Variants in ZNF718 observed in about 807,000 individuals in gnomAD.
ZNF718 encodes the protein zinc finger protein 718.
In ZNF718, 3 loss-of-function variants were observed where a neutral mutation model predicts 2.6. The ratio of observed to expected loss-of-function variants is 1.16; its 90% confidence interval spans 0.53 to 3.01. The LOEUF (loss-of-function observed/expected upper bound fraction) is 3.01. Ranked by LOEUF, ZNF718 falls within the 30% of genes most tolerant of loss-of-function variation. The pLI is 0.03. For missense variants in ZNF718, 468 were observed against 230.0 expected, an observed-to-expected ratio of 2.03 and a Z score of -6.69; for synonymous variants, 135 against 77.9, an observed-to-expected ratio of 1.73 and a Z score of -3.86.
At chr4:197,690 A>G (rs1370459051) in intron 3 of ZNF718, among the ~76,000 whole-genome samples, 1 of 152,194 alleles carries the variant, frequency 6.6e-6, no homozygotes, top group Non-Finnish European at 1.5e-5. Context: ...GGCACCAAAA[A>G]TCTCAGCATA....
chr4:199,404 A>T lies in ZNF718; in HGVS notation c.227-1677A>T, dbSNP rs575445077. ...TTTCCTTGCATCCTAACCCAGAGAG[A>T]TGCCTTCCTAAGAATGGTATTCTAA... On this transcript the variant is annotated intron_variant and NMD_transcript_variant, in intron 3 of 4. Transcript: ENST00000642529. Among the ~76,000 whole-genome samples, 6 of 152,300 alleles carry T rather than the reference A, an allele frequency of 3.9e-5. No individual in the cohort carries two copies. The East Asian group carries it at 1.2e-3, about 29-fold the overall frequency.
At chr4:148,418 G>A (rs1041730001) in intron 3 of ZNF718, among the ~76,000 whole-genome samples, 27 of 151,974 alleles carry the variant, frequency 1.8e-4, no homozygotes, top group African/African-American at 6.5e-4. Context: ...AGACCAGCCT[G>A]GCCAAATTGG....
At chr4:140,851 TAAAGTA>T (rs1715780830) in intron 3 of ZNF718, among the ~76,000 whole-genome samples, 1 of 152,246 alleles carries the variant, frequency 6.6e-6, no homozygotes, top group Admixed American at 6.5e-5. Context: ...TCATGTGACT[TAAAGTA>T]TAACTTTACT....
rs782717828 is a variant in ZNF718, at chr4:161,908, C to T, written c.1223C>T (p.Ala408Val). 2.6e-6 allele frequency: 2 copies of T among 779,954 alleles called. No individual in the cohort carries two copies. Among genetic ancestry groups the T allele is most frequent in the Non-Finnish European group, 2.4e-6 (1 of 417,686 alleles). 48.3% of individuals were successfully genotyped at this position (779,954 alleles called of 1,614,324 possible). ...TGTGGCAAAGCCTTTAAAGTGTTTG[C>T]AAACCTGCATAATCATAAGAAAATT... ...EDCGKAFKVFANLHNHKKIHT... is the reference protein window; with the variant it reads ...EDCGKAFKVFVNLHNHKKIHT... Residue 408 changes from alanine to valine, a missense_variant, in exon 4 of 4, where the codon GCA becomes GTA. Physicochemically the swap from Ala to Val is moderately conservative, Grantham distance 64 (BLOSUM62 0). Transcript: ENST00000510175.
chr4:151,501 A>C (rs1581446786), intron 3 of ZNF718, among the ~76,000 whole-genome samples: 2 of 148,744 alleles, frequency 1.3e-5, no homozygotes, highest in South Asian at 2.1e-4. Context: ...TTTTTTTGAG[A>C]CAGAGTTTTG....
chr4:178,908 A>G (rs1035090426), intron 3 of ZNF718, among the ~76,000 whole-genome samples: 1 of 152,112 alleles, frequency 6.6e-6, no homozygotes, highest in Non-Finnish European at 1.5e-5. Flanking sequence ...ATATAGTACC[A>G]TTTTTTATTC....
intron 3 of ZNF718, among the ~76,000 whole-genome samples, chr4:138,611 A>G (rs1392747230): frequency 7.2e-5 from 11 of 152,102 alleles, no homozygotes; most frequent in African/African-American, 2.7e-4. Context: ...TATCTCTCTG[A>G]TGTCCTGATT....
chr4:154,667 A>G (rs190388456), intron 3 of ZNF718, among the ~76,000 whole-genome samples: 29 of 152,322 alleles, frequency 1.9e-4, no homozygotes, highest in African/African-American at 6.7e-4. Flanking sequence ...AGCATTCATG[A>G]GGTGACTTGG....
intron 3 of ZNF718, among the ~76,000 whole-genome samples, chr4:156,449 A>T (rs973082061): frequency 6.6e-6 from 1 of 152,056 alleles, no homozygotes; most frequent in African/African-American, 2.4e-5. Flanking sequence ...TTCAAAAGCC[A>T]TCATACCTCT....
At chr4:168,958 T>A (rs1479123675), downstream of ZNF718, among the ~76,000 whole-genome samples, 3 of 152,226 alleles carry the variant, frequency 2.0e-5, no homozygotes, top group African/African-American at 7.2e-5. Flanking sequence ...GTGTCAATTT[T>A]AGATCTTTCC....
At chr4:177,321 C>CTCTG (rs1560129389) in intron 3 of ZNF718, among the ~76,000 whole-genome samples, 1 of 152,200 alleles carries the variant, frequency 6.6e-6, no homozygotes, top group East Asian at 1.9e-4. Flanking sequence ...GGTCTTGACA[C>CTCTG]ACTGACTGCA....
chr4:144,284 G>A (rs368251957), intron 3 of ZNF718, among the ~76,000 whole-genome samples: 76 of 152,230 alleles, frequency 5.0e-4, no homozygotes, highest in African/African-American at 1.6e-3. Flanking sequence ...CCAAGAACCC[G>A]GATACTTTCT....
chr4:179,910 A>G (rs1396925786), intron 3 of ZNF718, among the ~76,000 whole-genome samples: 1 of 152,202 alleles, frequency 6.6e-6, no homozygotes, highest in Non-Finnish European at 1.5e-5. Context: ...ATAAAACATC[A>G]TATATGTTTT....
chr4:150,972 G>A (rs1444671842), intron 3 of ZNF718, among the ~76,000 whole-genome samples: 1 of 151,936 alleles, frequency 6.6e-6, no homozygotes, highest in Non-Finnish European at 1.5e-5. Context: ...ACCATATATT[G>A]ATTGTTTAAA....
chr4:136,183 ATAGGCCAAGTACC>A (rs1715564025), intron 3 of ZNF718, among the ~76,000 whole-genome samples: 2 of 152,114 alleles, frequency 1.3e-5, no homozygotes, highest in Non-Finnish European at 2.9e-5. Flanking sequence ...TCTGCGTATG[ATAGGCCAAGTACC>A]AGGTGTATGA....
downstream of ZNF718, among the ~76,000 whole-genome samples, chr4:164,667 G>C (rs1717046311): frequency 6.6e-6 from 1 of 152,168 alleles, no homozygotes; most frequent in South Asian, 2.1e-4. Context: ...CAATGTGTGT[G>C]TTAAGTAACA....
At position 161,031 on chromosome 4, in the gene ZNF718, A is replaced by G. The variant is rs1694049376; in HGVS notation, c.346A>G (p.Lys116Glu). The G allele has an allele frequency of 1.3e-6, 1 of 780,800 alleles. No homozygotes were observed. Among genetic ancestry groups the G allele is most frequent in the Non-Finnish European group, 2.4e-6 (1 of 417,944 alleles). The allele number at this position is 780,800 out of a possible 1,614,324, so 48.4% of individuals were successfully genotyped here. The stretch of plus-strand genomic sequence containing the variant: ...ACATGAGAATTTAAGAAAAACTTGT[A>G]AAAGTATAAATGAGTGTAAGGTGCA... ...RGHENLRKTCKSINECKVQKG... is the reference protein window; with the variant it reads ...RGHENLRKTCESINECKVQKG... Residue 116 changes from lysine to glutamate, a missense_variant, in exon 4 of 4, where the codon AAA becomes GAA. Physicochemically the swap from Lys to Glu is moderately conservative, Grantham distance 56. Transcript: ENST00000510175.
intron 3 of ZNF718, among the ~76,000 whole-genome samples, chr4:159,752 T>G (rs1553814497): frequency 6.6e-6 from 1 of 152,198 alleles, no homozygotes; most frequent in Non-Finnish European, 1.5e-5. Context: ...AACTTTTAAA[T>G]TTTGAATATC....
intron 3 of ZNF718, among the ~76,000 whole-genome samples, chr4:169,529 G>A (rs1717172537): frequency 6.6e-6 from 1 of 152,110 alleles, no homozygotes; most frequent in Admixed American, 6.6e-5. Context: ...ATGAATCTGG[G>A]TGCTCCTGTA....
Sources: gnomAD v4.1 joint callset for allele counts (sites outside exome capture counted in the v4.1 genomes callset) on GRCh38, gnomAD v4.1.1 for gene constraint, MANE v1.5 for transcripts, NCBI Gene and HGNC (gene_info 2026-07-23, HGNC 2026-07-21) for gene names.